Variants in CDKL5 observed in about 807,000 individuals in gnomAD.
The protein encoded by CDKL5 is cyclin dependent kinase like 5.
CDKL5 carries 8 observed loss-of-function variants against 61.7 expected under a neutral mutation model. That is an observed-to-expected ratio of 0.13 (90% CI 0.08 to 0.23). CDKL5 has a LOEUF of 0.23. CDKL5 is among the 10% of genes least tolerant of loss of function. The probability of loss-of-function intolerance (pLI) is 1.00; values close to 1 mark genes in which losing one functional copy is unlikely to be tolerated. For missense variants in CDKL5, 440 were observed against 734.5 expected, an observed-to-expected ratio of 0.60 and a Z score of 4.63; for synonymous variants, 275 against 272.3, an observed-to-expected ratio of 1.01 and a Z score of -0.10.
intron 3 of CDKL5, among the ~76,000 whole-genome samples, chrX:18,541,348 T>C (rs1055757394): frequency 8.9e-6 from 1 of 112,107 alleles, no homozygotes; most frequent in Non-Finnish European, 1.9e-5. Flanking sequence ...TCTCTGAGTC[T>C]CTGTTCATTT....
intron 7 of CDKL5, among the ~76,000 whole-genome samples, chrX:18,583,128 A>T (rs1389724548): frequency 8.9e-6 from 1 of 112,031 alleles, no homozygotes; most frequent in Non-Finnish European, 1.9e-5. Flanking sequence ...TTACTACCCA[A>T]AACAGAGACT....
At chrX:18,643,896 C>G (rs971236086), downstream of CDKL5, among the ~76,000 whole-genome samples, 1 of 111,096 alleles carries the variant, frequency 9.0e-6, no homozygotes, top group Non-Finnish European at 1.9e-5. Flanking sequence ...ACTTCTGTCT[C>G]AATCCACAAA....
intron 3 of CDKL5, among the ~76,000 whole-genome samples, chrX:18,517,952 C>T (rs902759811): frequency 2.7e-5 from 3 of 111,273 alleles, no homozygotes; most frequent in African/African-American, 9.8e-5. Context: ...TTGCAGTGAG[C>T]GGAGATTGGG....
At chrX:18,542,609 G>A (rs1181784970) in intron 3 of CDKL5, among the ~76,000 whole-genome samples, 1 of 108,170 alleles carries the variant, frequency 9.2e-6, no homozygotes, top group Non-Finnish European at 1.9e-5. Flanking sequence ...TCTCTTAATT[G>A]TCTTCTTTCA....
In CDKL5 at chrX:18,635,872, C is replaced by T. The variant is rs1042026154; in HGVS notation, c.*7115C>T. On this transcript the variant is annotated 3_prime_UTR_variant, in exon 18 of 18. Transcript: ENST00000623535. ...TTGGGGGCTCTGTGGCCCATCAGTT[C>T]CCTGTCAACATTACTCAGCTCTGCC... 8.9e-6 allele frequency: 1 copy of T among 112,045 alleles called. No individual in the cohort carries two copies. Among genetic ancestry groups the T allele is most frequent in the Non-Finnish European group, 1.9e-5 (1 of 53,391 alleles). 9.2% of individuals were successfully genotyped at this position (112,045 alleles called of 1,213,427 possible). A position where few individuals can be genotyped will look rare whatever the true frequency, so the allele number is the denominator to read the frequency against.
intron 16 of CDKL5, among the ~76,000 whole-genome samples, chrX:18,620,885 C>A (rs1266896342): frequency 9.1e-6 from 1 of 110,176 alleles, no homozygotes; most frequent in African/African-American, 3.3e-5. Flanking sequence ...TAACTGGGTG[C>A]ACGCCATCAC....
At chrX:18,513,950 T>C (rs974993536) in intron 3 of CDKL5, among the ~76,000 whole-genome samples, 17 of 111,957 alleles carry the variant, frequency 1.5e-4, no homozygotes, top group African/African-American at 5.2e-4. Context: ...AAAAATTTAG[T>C]GAAATGTTTA....
intron 1 of CDKL5, among the ~76,000 whole-genome samples, chrX:18,488,487 G>A (rs976891200): frequency 6.3e-5 from 7 of 111,593 alleles, no homozygotes; most frequent in Non-Finnish European, 1.1e-4. Flanking sequence ...GAACCTCCTA[G>A]ATAGCTTCTG....
chrX:18,516,666 G>A (rs998142815), intron 3 of CDKL5, among the ~76,000 whole-genome samples: 4 of 110,437 alleles, frequency 3.6e-5, no homozygotes, highest in Non-Finnish European at 7.6e-5. Context: ...GATTACAGGC[G>A]CCTGGCCACT....
intron 4 of CDKL5, among the ~76,000 whole-genome samples, chrX:18,573,527 A>C (rs1306868450): frequency 1.8e-5 from 2 of 112,110 alleles, no homozygotes; most frequent in African/African-American, 3.2e-5. Context: ...GCTCTAAGCT[A>C]CTTTGGGATG....
At chrX:18,531,809 C>T (rs1368340199) in intron 3 of CDKL5, among the ~76,000 whole-genome samples, 1 of 108,307 alleles carries the variant, frequency 9.2e-6, no homozygotes, top group Non-Finnish European at 1.9e-5. Flanking sequence ...CGGGTTCACG[C>T]CATTCTCCTG....
intron 14 of CDKL5, among the ~76,000 whole-genome samples, chrX:18,611,936 G>T (rs762667892): frequency 9.0e-6 from 1 of 111,477 alleles, no homozygotes; most frequent in Admixed American, 9.5e-5. Flanking sequence ...CATTCCTATT[G>T]GTCAAGAGTC....
chrX:18,642,871 G>A (rs1021618888), downstream of CDKL5, among the ~76,000 whole-genome samples: 1 of 110,179 alleles, frequency 9.1e-6, no homozygotes, highest in African/African-American at 3.3e-5. Context: ...GTGAGACCCC[G>A]TCTCTACTAA....
At chrX:18,532,760 A>G (rs951954359) in intron 3 of CDKL5, among the ~76,000 whole-genome samples, 14 of 111,334 alleles carry the variant, frequency 1.3e-4, no homozygotes, top group African/African-American at 4.2e-4. Flanking sequence ...ACAAATTTGC[A>G]TTTTGGTAGG....
chrX:18,631,109 C>G lies in CDKL5; in HGVS notation c.*2352C>G. On this transcript the variant is annotated 3_prime_UTR_variant, in exon 18 of 18. Transcript: ENST00000623535. ...GGGGCTGGTTTCCCATGTTGTCATC[C>G]TTGCTAACACTGGGATCTCAGATGT... is the stretch of plus-strand genomic sequence containing the variant. 3 of 752,501 alleles carry G rather than the reference C, an allele frequency of 4.0e-6. No individual in the cohort carries two copies. The South Asian group carries it at 2.0e-4, about 51-fold the overall frequency. 62.0% of individuals were successfully genotyped at this position (752,501 alleles called of 1,213,427 possible).
At chrX:18,507,465 T>TTTTTTTTTTTA (rs1922624281) in intron 2 of CDKL5, among the ~76,000 whole-genome samples, 2 of 108,255 alleles carry the variant, frequency 1.8e-5, no homozygotes, top group African/African-American at 6.7e-5. Context: ...TTTTTTTTTT[T>TTTTTTTTTTTA]AGCAATCATG....
intron 10 of CDKL5, among the ~76,000 whole-genome samples, chrX:18,597,558 A>AT (rs1456343866): frequency 9.2e-6 from 1 of 109,108 alleles, no homozygotes; most frequent in Non-Finnish European, 1.9e-5. Flanking sequence ...AAACCAAAAA[A>AT]TTAGAGTTGA....
At chrX:18,468,074 A>C (rs949796879) in intron 1 of CDKL5, among the ~76,000 whole-genome samples, 1 of 111,993 alleles carries the variant, frequency 8.9e-6, no homozygotes, top group Non-Finnish European at 1.9e-5. Flanking sequence ...TAGATTAAAA[A>C]ATTTTAAATA....
chrX:18,613,331 T>C, intron 15 of CDKL5, 56 bp downstream of exon 15: 1 of 1,105,888 alleles, frequency 9.0e-7, no homozygotes, highest in East Asian at 3.4e-5. Flanking sequence ...ATTTAAGAGT[T>C]GAAATAAATT....
Sources: allele counts gnomAD v4.1 joint callset (sites outside exome capture counted in the v4.1 genomes callset), GRCh38; gene constraint gnomAD v4.1.1; transcripts MANE v1.5; gene names NCBI Gene and HGNC (gene_info 2026-07-23, HGNC 2026-07-21).